Variants in NCAM1 observed in about 807,000 individuals in gnomAD.
The protein encoded by NCAM1 is neural cell adhesion molecule 1, also known as antigen recognized by monoclonal antibody 5.1H11.
In NCAM1, 14 loss-of-function variants were observed where a neutral mutation model predicts 109.8. That is an observed-to-expected ratio of 0.13 (90% CI 0.08 to 0.20). NCAM1 has a LOEUF of 0.20. NCAM1 is among the 10% of genes least tolerant of loss of function. The probability of loss-of-function intolerance (pLI) is 1.00; values close to 1 mark genes in which losing one functional copy is unlikely to be tolerated. For missense variants in NCAM1, 774 were observed against 1,109.9 expected (o/e 0.70, Z 4.30); for synonymous variants, 418 against 442.9 (o/e 0.94, Z 0.70).
At chr11:113,245,215 G>A (rs1945466456) in intron 14 of NCAM1, among the ~76,000 whole-genome samples, 1 of 152,286 alleles carries the variant, frequency 6.6e-6, no homozygotes, top group East Asian at 1.9e-4. Flanking sequence ...AGCACTTTGG[G>A]AGGCTGAGGT....
At chr11:113,143,426 A>C (rs570890701) in intron 1 of NCAM1, among the ~76,000 whole-genome samples, 2 of 152,304 alleles carry the variant, frequency 1.3e-5, no homozygotes, top group East Asian at 3.9e-4. Flanking sequence ...GGATATGTTA[A>C]AGTTGTAAAA....
chr11:113,165,291 A>G (rs1437394430), intron 1 of NCAM1, among the ~76,000 whole-genome samples: 1 of 152,206 alleles, frequency 6.6e-6, no homozygotes, highest in African/African-American at 2.4e-5. Flanking sequence ...TGAATTTGGA[A>G]AAGGCCAATC....
At chr11:113,082,790 C>A (rs1245112) in intron 1 of NCAM1, among the ~76,000 whole-genome samples, 1 of 151,756 alleles carries the variant, frequency 6.6e-6, no homozygotes, top group African/African-American at 2.4e-5. Context: ...ATTCAGCAAC[C>A]GTGAGTATCC....
At chr11:113,211,081 C>A (rs1944379437) in intron 7 of NCAM1, among the ~76,000 whole-genome samples, 1 of 152,222 alleles carries the variant, frequency 6.6e-6, no homozygotes, top group Non-Finnish European at 1.5e-5. Flanking sequence ...CTCTCCTCCT[C>A]CACTGGCCTT....
intron 1 of NCAM1, among the ~76,000 whole-genome samples, chr11:113,094,466 T>A (rs1555089964): frequency 6.6e-6 from 1 of 152,172 alleles, no homozygotes; most frequent in East Asian, 1.9e-4. Context: ...TCTTCCTCAT[T>A]GTCATAGAAC....
intron 1 of NCAM1, among the ~76,000 whole-genome samples, chr11:113,071,421 A>ATTTTTTT: frequency 7.8e-6 from 1 of 127,672 alleles, no homozygotes; most frequent in Non-Finnish European, 1.6e-5. Context: ...TGTTGGTTGG[A>ATTTTTTT]TTTTTTTTTT....
In NCAM1 at chr11:113,202,520, C is replaced by T; in HGVS notation, c.127+67C>T. ...GAAACTCACTGGGTAGAGCAGGAGC[C>T]CTCAGGCCATGTGAGCTGGCTGGTC... On this transcript the variant is annotated intron_variant, in intron 2 of 19. Transcript: ENST00000316851. The T allele has an allele frequency of 3.5e-6, 5 of 1,424,182 alleles. No individual in the cohort carries two copies. In the South Asian group the frequency reaches 4.0e-5, roughly 11 times the overall value. 88.2% of individuals were successfully genotyped at this position (1,424,182 alleles called of 1,614,324 possible).
At chr11:113,087,205 A>G (rs1555088452) in intron 1 of NCAM1, among the ~76,000 whole-genome samples, 1 of 152,222 alleles carries the variant, frequency 6.6e-6, no homozygotes, top group Admixed American at 6.5e-5. Flanking sequence ...AGAATCACAG[A>G]GAATCATTTT....
At chr11:113,194,960 G>C (rs1260074308) in intron 1 of NCAM1, among the ~76,000 whole-genome samples, 6 of 152,162 alleles carry the variant, frequency 3.9e-5, no homozygotes, top group African/African-American at 1.4e-4. Flanking sequence ...CCCCAACTAC[G>C]CTGATGGAAG....
chr11:113,153,436 G>A (rs897103873), intron 1 of NCAM1, among the ~76,000 whole-genome samples: 5 of 149,124 alleles, frequency 3.4e-5, no homozygotes, highest in Non-Finnish European at 5.9e-5. Flanking sequence ...GGGGAGGGGG[G>A]GCACAGAGAC....
In NCAM1 at chr11:113,274,104, G is replaced by A. The variant is rs561695706; in HGVS notation, c.2457-1163G>A. 1.6e-4 allele frequency among the ~76,000 whole-genome samples: 24 copies of A among 152,272 alleles called. No individual in the cohort carries two copies. The East Asian group carries it at 2.3e-3, about 15-fold the overall frequency. On this transcript the variant is annotated intron_variant, in intron 19 of 19. Coordinates refer to ENST00000316851, the MANE Select transcript of NCAM1 (RefSeq NM_181351.5). This position sits in a 1 kb window ranked among gnomAD's most constrained non-coding sequence, Gnocchi z 4.1. Reference sequence around the variant, plus strand: ...ATCAGCCACCCTGGGGCCCCCAGTCGGTGTGTTATTCAGTGCCAGGCTGAG... The same window carrying A: ...ATCAGCCACCCTGGGGCCCCCAGTCAGTGTGTTATTCAGTGCCAGGCTGAG...
chr11:113,111,339 G>C (rs1555093662), intron 1 of NCAM1, among the ~76,000 whole-genome samples: 1 of 151,920 alleles, frequency 6.6e-6, no homozygotes, highest in African/African-American at 2.4e-5. Flanking sequence ...AGAAAATATA[G>C]ATGAGCAAGA....
At chr11:113,221,356 T>C (rs368234534) in intron 9 of NCAM1, 31 bp downstream of exon 9, 13 of 1,563,094 alleles carry the variant, frequency 8.3e-6, no homozygotes, top group Non-Finnish European at 9.6e-6. Flanking sequence ...AGCCAGTCTT[T>C]AGTTTTGAAA....
At chr11:113,217,088 C>G (rs1555114484) in intron 8 of NCAM1, among the ~76,000 whole-genome samples, 1 of 152,162 alleles carries the variant, frequency 6.6e-6, no homozygotes, top group Non-Finnish European at 1.5e-5. Flanking sequence ...TCTAATTGGT[C>G]AGGTAAAGAA....
chr11:113,042,583 G>T (rs1302864022), intron 1 of NCAM1, among the ~76,000 whole-genome samples: 3 of 152,098 alleles, frequency 2.0e-5, no homozygotes, highest in Non-Finnish European at 4.4e-5. Flanking sequence ...TCTCTCATCT[G>T]CACTGCAGCC....
intron 1 of NCAM1, among the ~76,000 whole-genome samples, chr11:113,026,268 G>A (rs528387996): frequency 2.0e-5 from 3 of 152,346 alleles, no homozygotes; most frequent in Non-Finnish European, 4.4e-5. Context: ...GGACTGTGAA[G>A]ATGGGCAGGG....
intron 1 of NCAM1, among the ~76,000 whole-genome samples, chr11:113,077,523 A>G (rs1309797336): frequency 1.3e-5 from 2 of 152,208 alleles, no homozygotes; most frequent in Non-Finnish European, 2.9e-5. Context: ...TATTTAGGCC[A>G]GTTTATTCTT....
chr11:112,993,677 A>G (rs1260730860), intron 1 of NCAM1, among the ~76,000 whole-genome samples: 1 of 152,154 alleles, frequency 6.6e-6, no homozygotes, highest in Non-Finnish European at 1.5e-5. Flanking sequence ...TTCTTTATCC[A>G]TAATTAAGTT....
At chr11:112,973,766 G>C (rs781804655) in intron 1 of NCAM1, among the ~76,000 whole-genome samples, 1 of 151,962 alleles carries the variant, frequency 6.6e-6, no homozygotes, top group African/African-American at 2.4e-5. Context: ...TATACAATTC[G>C]CGTTGGATTT....
Sources: allele counts gnomAD v4.1 joint callset (sites outside exome capture counted in the v4.1 genomes callset), GRCh38; gene constraint gnomAD v4.1.1; non-coding constraint Gnocchi (gnomAD v3.1); transcripts MANE v1.5; gene names NCBI Gene and HGNC (gene_info 2026-07-23, HGNC 2026-07-21).